The following NAV2 variants were observed in gnomAD, a reference collection of about 807,000 sequenced individuals.
The protein encoded by NAV2 is neuron navigator 2.
Under a neutral mutation model 223.2 loss-of-function variants are expected in NAV2, and 54 were observed. The observed-to-expected ratio is 0.24, with a 90% CI of 0.19 to 0.30. The LOEUF (loss-of-function observed/expected upper bound fraction) is 0.30, where lower values mean the gene tolerates loss of function less well. Among genes scored for constraint, NAV2 ranks in the 10% least tolerant of loss-of-function variants. The pLI is 1.00. For synonymous variants in NAV2, 1,279 were observed against 1,239.3 expected (o/e 1.03, Z -0.67); for missense variants, 2,806 against 3,147.5 (o/e 0.89, Z 2.60).
At chr11:19,994,674 A>G (rs1342929731) in intron 11 of NAV2, among the ~76,000 whole-genome samples, 1 of 152,196 alleles carries the variant, frequency 6.6e-6, no homozygotes, top group African/African-American at 2.4e-5. Context: ...GCCTATGGAA[A>G]AGGGTCCCTG....
intron 6 of NAV2, among the ~76,000 whole-genome samples, chr11:19,931,040 T>C (rs187950795): frequency 2.6e-3 from 400 of 152,338 alleles, no homozygotes; most frequent in Non-Finnish European, 4.6e-3. Context: ...ATCCCAGATA[T>C]CTGCATTTCT....
At chr11:19,392,984 G>T (rs916645643) in intron 1 of NAV2, among the ~76,000 whole-genome samples, 1 of 152,150 alleles carries the variant, frequency 6.6e-6, no homozygotes, top group Non-Finnish European at 1.5e-5. Flanking sequence ...CCTCCCTATG[G>T]GTCTTCCAGA....
At chr11:19,460,802 T>A (rs1852131350) in intron 1 of NAV2, among the ~76,000 whole-genome samples, 1 of 152,046 alleles carries the variant, frequency 6.6e-6, no homozygotes, top group Non-Finnish European at 1.5e-5. Context: ...AAAAATTCCC[T>A]TGGGTTGGAG....
chr11:19,360,232 T>G (rs1853854265), intron 1 of NAV2, among the ~76,000 whole-genome samples: 1 of 152,206 alleles, frequency 6.6e-6, no homozygotes, highest in African/African-American at 2.4e-5. Context: ...TTCCCACCCT[T>G]GAGACCTGAT....
Position 19,797,256 on chromosome 11 carries a change from A to G in NAV2, c.268-35228A>G, listed in dbSNP as rs186420164. On this transcript the variant is annotated intron_variant, in intron 1 of 37. Coordinates refer to ENST00000349880, the MANE Select transcript of NAV2 (RefSeq NM_145117.5). ...GGTCTTTATTGGCTTTTCAAAGAGCATGAACTCTTTCCCTAACAATTCCTG... is the reference window on the plus strand; with the variant it reads ...GGTCTTTATTGGCTTTTCAAAGAGCGTGAACTCTTTCCCTAACAATTCCTG... 2.8e-4 allele frequency among the ~76,000 whole-genome samples: 43 copies of G among 152,122 alleles called. No homozygotes were observed. In the East Asian group the frequency reaches 6.8e-3, roughly 24 times the overall value.
At chr11:19,908,993 C>T (rs1021722539) in intron 6 of NAV2, among the ~76,000 whole-genome samples, 3 of 151,976 alleles carry the variant, frequency 2.0e-5, no homozygotes, top group African/African-American at 7.3e-5. Flanking sequence ...TTGAATCACT[C>T]TAAATGCATG....
chr11:19,383,107 C>A (rs11828882), intron 1 of NAV2, among the ~76,000 whole-genome samples: 30 of 152,190 alleles, frequency 2.0e-4, no homozygotes, highest in African/African-American at 7.2e-4. Flanking sequence ...ATCCCATTTG[C>A]CTTCAATCCT....
At chr11:20,091,486 G>T (rs1198249937) in intron 27 of NAV2, among the ~76,000 whole-genome samples, 1 of 152,170 alleles carries the variant, frequency 6.6e-6, no homozygotes, top group Non-Finnish European at 1.5e-5. Context: ...TGCTCGGCCT[G>T]ATTCCTTTCC....
chr11:19,624,272 G>T (rs981204246), intron 1 of NAV2, among the ~76,000 whole-genome samples: 13 of 152,308 alleles, frequency 8.5e-5, no homozygotes, highest in African/African-American at 3.1e-4. Flanking sequence ...CATGCTGGGA[G>T]TACCACTACT....
chr11:19,745,053 G>A (rs886237737), intron 1 of NAV2, among the ~76,000 whole-genome samples: 4 of 152,104 alleles, frequency 2.6e-5, no homozygotes, highest in Admixed American at 6.5e-5. Flanking sequence ...ATTCCCTATC[G>A]CTCTCTAGCA....
rs569969345 is a variant in NAV2, at chr11:19,715,891, G to A, written c.267+1929G>A. 3.3e-5 allele frequency among the ~76,000 whole-genome samples: 5 copies of A among 152,328 alleles called. No individual in the cohort carries two copies. In the South Asian group the frequency reaches 1.0e-3, roughly 32 times the overall value. ...TTGGCCACTTCCAGTGGACTACCCT[G>A]ATTTTTACCTGCCTGCCCTCGTTTG... On this transcript the variant is annotated intron_variant, in intron 1 of 37. Transcript: ENST00000349880.
At chr11:19,756,194 C>A (rs1048733070) in intron 1 of NAV2, among the ~76,000 whole-genome samples, 1 of 152,136 alleles carries the variant, frequency 6.6e-6, no homozygotes, top group African/African-American at 2.4e-5. Flanking sequence ...GATTCCCTGG[C>A]TCAGAACGCA....
At chr11:19,814,867 T>C (rs2059013628) in intron 1 of NAV2, among the ~76,000 whole-genome samples, 1 of 152,072 alleles carries the variant, frequency 6.6e-6, no homozygotes, top group South Asian at 2.1e-4. Flanking sequence ...TACCCTCCCC[T>C]CCTAAAACTT....
chr11:19,850,822 T>C (rs1046082327), intron 3 of NAV2, among the ~76,000 whole-genome samples: 3 of 152,218 alleles, frequency 2.0e-5, no homozygotes, highest in Admixed American at 6.5e-5. Context: ...TCTAAGTGCC[T>C]TCCATGTTTT....
chr11:19,685,359 G>A (rs1418095571), intron 1 of NAV2, among the ~76,000 whole-genome samples: 1 of 152,146 alleles, frequency 6.6e-6, no homozygotes, highest in Non-Finnish European at 1.5e-5. Context: ...GACCCCAGCA[G>A]TAGGGGTGGG....
intron 1 of NAV2, among the ~76,000 whole-genome samples, chr11:19,406,136 G>A (rs1025210396): frequency 1.5e-4 from 23 of 152,172 alleles, no homozygotes; most frequent in African/African-American, 5.1e-4. Flanking sequence ...AGGCTGGCTT[G>A]GCTTTTGTAT....
At chr11:20,090,446 A>AG (rs1308542420) in intron 26 of NAV2, among the ~76,000 whole-genome samples, 1 of 152,216 alleles carries the variant, frequency 6.6e-6, no homozygotes, top group East Asian at 1.9e-4. Context: ...AAGAATGTAG[A>AG]GAATGAAATC....
chr11:19,960,613 A>C (rs983274896), intron 10 of NAV2, among the ~76,000 whole-genome samples: 38 of 149,764 alleles, frequency 2.5e-4, no homozygotes, highest in Admixed American at 4.7e-4. Flanking sequence ...TTATTTATTT[A>C]TTTATTTATT....
rs114018400 is a variant in NAV2 at position 19,736,364 on chromosome 11, C to T, written c.267+22402C>T. ...CCTTCTAGGCCCTCTTGTTGGGCTC[C>T]AGGACTGGTGGGCCAGACACAGGAC... is the stretch of plus-strand genomic sequence containing the variant. On this transcript the variant is annotated intron_variant, in intron 1 of 37. Transcript: ENST00000349880. Among the ~76,000 whole-genome samples, 583 of 152,240 alleles carry T rather than the reference C, an allele frequency of 3.8e-3. 3 individuals carry two copies. The highest frequency in any genetic ancestry group is 0.013 in the African/African-American group (550 of 41,522).
Sources: allele counts gnomAD v4.1 joint callset (sites outside exome capture counted in the v4.1 genomes callset), GRCh38; gene constraint gnomAD v4.1.1; transcripts MANE v1.5; gene names NCBI Gene and HGNC (gene_info 2026-07-23, HGNC 2026-07-21).